ECT2: variants seen among roughly 807,000 people sequenced by gnomAD.
The protein encoded by ECT2 is epithelial cell transforming 2.
In ECT2, 61 loss-of-function variants were observed where a neutral mutation model predicts 116.9. The observed-to-expected ratio is 0.52, with a 90% CI of 0.42 to 0.65. The LOEUF (loss-of-function observed/expected upper bound fraction) is 0.65. Among genes scored for constraint, ECT2 ranks in the 30% least tolerant of loss-of-function variants. The pLI is 0.00. For missense variants in ECT2, 937 were observed against 1,078.7 expected, an observed-to-expected ratio of 0.87 and a Z score of 1.84; for synonymous variants, 358 against 346.4, an observed-to-expected ratio of 1.03 and a Z score of -0.37.
In ECT2 at chr3:172,783,135, A is replaced by G. The variant is rs369063561; in HGVS notation, c.1618-664A>G. On this transcript the variant is annotated intron_variant, in intron 15 of 24. Coordinates refer to ENST00000392692, the MANE Select transcript of ECT2 (RefSeq NM_001258315.2). ...GAACCACACAACTTAAGTTTTATAA[A>G]TTCATTTTGGCAAGGTTCTGTGAAT... Among the ~76,000 whole-genome samples the G allele has an allele frequency of 1.2e-4, 18 of 152,326 alleles. 1 individual carries two copies. In the East Asian group the frequency reaches 2.9e-3, roughly 24 times the overall value.
intron 18 of ECT2, among the ~76,000 whole-genome samples, chr3:172,795,323 C>CAAAA (rs35674521): frequency 9.6e-6 from 1 of 104,426 alleles, no homozygotes; most frequent in Non-Finnish European, 2.0e-5. Flanking sequence ...GAGACGCTAT[C>CAAAA]AAAAAAAAAA....
At chr3:172,760,790 G>A (rs1251073408) in intron 7 of ECT2, among the ~76,000 whole-genome samples, 8 of 137,474 alleles carry the variant, frequency 5.8e-5, no homozygotes, top group East Asian at 2.2e-4. Flanking sequence ...GTGCCATCTC[G>A]GCTCACTGCA....
chr3:172,778,842 G>A (rs897581187), intron 14 of ECT2, among the ~76,000 whole-genome samples: 4 of 151,882 alleles, frequency 2.6e-5, no homozygotes, highest in African/African-American at 7.3e-5. Context: ...TGATCTGCCC[G>A]CCTCGGCCTC....
chr3:172,804,221 A>G (rs1324952273), intron 20 of ECT2, among the ~76,000 whole-genome samples: 1 of 152,190 alleles, frequency 6.6e-6, no homozygotes, highest in African/African-American at 2.4e-5. Flanking sequence ...AATACAAGGG[A>G]ATCTTAAAGA....
At chr3:172,764,191 G>C in intron 11 of ECT2, 87 bp from the exon 12 acceptor site, 1 of 1,186,104 alleles carries the variant, frequency 8.4e-7, no homozygotes, top group Non-Finnish European at 1.2e-6. Context: ...TCCAGATTCT[G>C]TCAGACTTGT....
At chr3:172,778,905 A>G (rs1465874596) in intron 14 of ECT2, among the ~76,000 whole-genome samples, 4 of 152,134 alleles carry the variant, frequency 2.6e-5, no homozygotes, top group East Asian at 1.9e-4. Context: ...TAAGACAGCA[A>G]TCTTTATTCA....
chr3:172,773,723 A>G (rs957138784), intron 13 of ECT2, among the ~76,000 whole-genome samples, 180 bp from the exon 14 acceptor site: 1 of 152,262 alleles, frequency 6.6e-6, no homozygotes, highest in Non-Finnish European at 1.5e-5. Context: ...ACACAGGTAT[A>G]TAAATGGAGT....
chr3:172,808,577 A>C (rs1172913686), intron 22 of ECT2, among the ~76,000 whole-genome samples: 3 of 152,312 alleles, frequency 2.0e-5, no homozygotes, highest in African/African-American at 7.2e-5. Context: ...CCTGGATGAA[A>C]TCCAGGTCCC....
At chr3:172,784,164 G>A (rs546629657) in intron 16 of ECT2, among the ~76,000 whole-genome samples, 6 of 151,574 alleles carry the variant, frequency 4.0e-5, no homozygotes, top group African/African-American at 1.5e-4. Context: ...AATTGTGGCC[G>A]GGTGCACCGG....
intron 18 of ECT2, among the ~76,000 whole-genome samples, chr3:172,800,162 C>A (rs960268535): frequency 2.6e-5 from 4 of 152,204 alleles, no homozygotes; most frequent in Admixed American, 1.3e-4. Flanking sequence ...AAAATTGGAT[C>A]ATTCTTGTTA....
chr3:172,775,231 A>G (rs1721432366), intron 14 of ECT2, among the ~76,000 whole-genome samples: 1 of 152,244 alleles, frequency 6.6e-6, no homozygotes, highest in Non-Finnish European at 1.5e-5. Context: ...TCTTTTCAAA[A>G]TAACTCACAT....
chr3:172,778,270 A>G (rs1317415272), intron 14 of ECT2, among the ~76,000 whole-genome samples: 2 of 152,200 alleles, frequency 1.3e-5, no homozygotes, highest in African/African-American at 4.8e-5. Context: ...AGGAAAAGTT[A>G]AGAGAATCCT....
chr3:172,764,662 G>C lies in ECT2; in HGVS notation c.1291+162G>C, dbSNP rs187177066. ...CACATGAATAGTTAAGCTTAATAATGTTGCAATTTAATGACTGCTTACTAC... is the reference window on the plus strand; with the variant it reads ...CACATGAATAGTTAAGCTTAATAATCTTGCAATTTAATGACTGCTTACTAC... On this transcript the variant is annotated intron_variant, in intron 12 of 24. Coordinates refer to ENST00000392692, the MANE Select transcript of ECT2 (RefSeq NM_001258315.2). 3.3e-3 allele frequency among the ~76,000 whole-genome samples: 499 copies of C among 152,274 alleles called. 2 individuals carry two copies. The highest frequency in any genetic ancestry group is 6.8e-3 in the Middle Eastern group (2 of 294).
At chr3:172,765,456 T>C (rs1719186633) in intron 12 of ECT2, among the ~76,000 whole-genome samples, 1 of 152,198 alleles carries the variant, frequency 6.6e-6, no homozygotes, top group South Asian at 2.1e-4. Context: ...TCAAGCTACC[T>C]ACTTTGTACT....
chr3:172,805,801 CT>C lies in ECT2; in HGVS notation c.2178del (p.Lys728SerfsTer5). ...CATGGCCAAACCCGACCCCCAGCTT[CT>C]CTTAAGCATATTCACCTAATGCCTC... ...SPHGQTRPPASLKHIHLMPLS... is the reference protein window; with the variant it reads ...SPHGQTRPPAXLKHIHLMPLS... On this transcript the variant is annotated frameshift_variant, in exon 21 of 25. Transcript: ENST00000392692. LOFTEE classifies it high-confidence loss of function. 1 of 1,613,850 alleles carries C rather than the reference CT, an allele frequency of 6.2e-7. No homozygotes were observed. Among genetic ancestry groups the C allele is most frequent in the Non-Finnish European group, 8.5e-7 (1 of 1,179,872 alleles).
intron 13 of ECT2, among the ~76,000 whole-genome samples, chr3:172,773,145 G>T (rs1720961925): frequency 6.6e-6 from 1 of 152,130 alleles, no homozygotes; most frequent in Admixed American, 6.5e-5. Flanking sequence ...TTCTTACTGT[G>T]TTGATTCTTT....
chr3:172,755,508 T>C lies in ECT2; in HGVS notation c.236T>C (p.Val79Ala). The C allele has an allele frequency of 6.6e-7, 1 of 1,505,716 alleles. No individual in the cohort carries two copies. 93.3% of individuals were successfully genotyped at this position (1,505,716 alleles called of 1,614,324 possible). ...ACTATTAAAATAATGGAAGTCCCTG[T>C]TATAAAGATAAAAGAAAGTTGTCCT... ...LKTIKIMEVPVIKIKESCPGK... is the reference protein window; with the variant it reads ...LKTIKIMEVPAIKIKESCPGK... Residue 79 changes from valine to alanine, a missense_variant, in exon 4 of 25, where the codon GTT becomes GCT. Physicochemically the swap from Val to Ala is moderately conservative, Grantham distance 64. Transcript: ENST00000392692.
intron 13 of ECT2, among the ~76,000 whole-genome samples, chr3:172,772,695 A>G (rs1720882555): frequency 6.6e-6 from 1 of 152,124 alleles, no homozygotes; most frequent in Admixed American, 6.5e-5. Flanking sequence ...CCTAAGTTTA[A>G]GTCATGAAGA....
In ECT2 at chr3:172,802,608, T is replaced by C; in HGVS notation, c.1908-8T>C. Reference sequence around the variant, plus strand: ...ATTTTAAAAGTTTTAAAAATAACTATTTTTCAGGCATATTAATGAGGATAA... The same window carrying C: ...ATTTTAAAAGTTTTAAAAATAACTACTTTTCAGGCATATTAATGAGGATAA... On this transcript the variant is annotated splice_region_variant and splice_polypyrimidine_tract_variant and intron_variant, in intron 18 of 24. Transcript: ENST00000392692. 1 of 1,522,200 alleles carries C rather than the reference T, an allele frequency of 6.6e-7. No individual in the cohort carries two copies. Among genetic ancestry groups the C allele is most frequent in the Non-Finnish European group, 8.9e-7 (1 of 1,120,802 alleles). 94.3% of individuals were successfully genotyped at this position (1,522,200 alleles called of 1,614,324 possible). A position where few individuals can be genotyped will look rare whatever the true frequency, so the allele number is the denominator to read the frequency against.
Sources: gnomAD v4.1 joint callset for allele counts (sites outside exome capture counted in the v4.1 genomes callset) on GRCh38, gnomAD v4.1.1 for gene constraint, MANE v1.5 for transcripts, NCBI Gene and HGNC (gene_info 2026-07-23, HGNC 2026-07-21) for gene names.